MSH3: variants seen among roughly 807,000 people sequenced by gnomAD.
MSH3 encodes DNA mismatch repair protein Msh3.
In MSH3, 106 loss-of-function variants were observed where a neutral mutation model predicts 123.3. That is an observed-to-expected ratio of 0.86 (90% CI 0.73 to 1.01). MSH3 has a LOEUF of 1.01. Ranked by LOEUF, MSH3 falls within the 50% of genes least tolerant of loss-of-function variation. The pLI, the probability that MSH3 is intolerant of heterozygous loss-of-function variation, is 0.00. For synonymous variants in MSH3, 515 were observed against 481.4 expected (o/e 1.07, Z -0.91); for missense variants, 1,459 against 1,347.6 (o/e 1.08, Z -1.29).
At chr5:80,721,314 T>C (rs924714536) in intron 8 of MSH3, among the ~76,000 whole-genome samples, 1 of 152,206 alleles carries the variant, frequency 6.6e-6, no homozygotes, top group Non-Finnish European at 1.5e-5. Context: ...GAGTTTTTCC[T>C]CAGGGTAAGA....
chr5:80,704,094 T>C (rs1476207728), intron 8 of MSH3, among the ~76,000 whole-genome samples: 1 of 152,128 alleles, frequency 6.6e-6, no homozygotes, highest in African/African-American at 2.4e-5. Flanking sequence ...TGTCCTGATC[T>C]CAGTGGGGCT....
chr5:80,737,881 G>T (rs540099618), intron 10 of MSH3, among the ~76,000 whole-genome samples: 17 of 152,144 alleles, frequency 1.1e-4, no homozygotes, highest in African/African-American at 4.1e-4. Flanking sequence ...TTGCCCAGTG[G>T]TTGATCTTTT....
intron 20 of MSH3, among the ~76,000 whole-genome samples, chr5:80,843,530 G>T (rs6453526): frequency 0.7 from 106,327 of 151,306 alleles, 37,340 homozygotes; most frequent in South Asian, 0.8. Flanking sequence ...AATCCGTCTC[G>T]TCCTGGACTT....
intron 22 of MSH3, among the ~76,000 whole-genome samples, chr5:80,865,661 AT>A (rs1030776132): frequency 1.3e-5 from 2 of 151,488 alleles, no homozygotes; most frequent in African/African-American, 4.9e-5. Context: ...AGACTTTAGC[AT>A]TTTTTTTTCT....
intron 17 of MSH3, 84 bp downstream of exon 17, chr5:80,778,920 A>G (rs1580045827): frequency 1.2e-6 from 1 of 804,806 alleles, no homozygotes; most frequent in East Asian, 2.4e-5. Context: ...AAGAAAATAG[A>G]GATTACAGCT....
At chr5:80,768,755 T>G in intron 14 of MSH3, 80 bp from the exon 15 acceptor site, 1 of 1,275,292 alleles carries the variant, frequency 7.8e-7, no homozygotes, top group South Asian at 1.3e-5. Context: ...CTTTCCTCTT[T>G]TATCACACTA....
chr5:80,723,930 T>G (rs1751141137), intron 8 of MSH3, among the ~76,000 whole-genome samples: 1 of 151,958 alleles, frequency 6.6e-6, no homozygotes, highest in Admixed American at 6.6e-5. Context: ...GCCTGGCTAA[T>G]TTTTGTATTT....
intron 12 of MSH3, among the ~76,000 whole-genome samples, chr5:80,752,228 G>A (rs1580018995): frequency 6.6e-6 from 1 of 151,970 alleles, no homozygotes; most frequent in African/African-American, 2.4e-5. Context: ...TAGCCAAGGT[G>A]GAATGGGAGA....
intron 20 of MSH3, among the ~76,000 whole-genome samples, chr5:80,837,987 G>A (rs1745547540): frequency 6.6e-6 from 1 of 152,216 alleles, no homozygotes; most frequent in Admixed American, 6.5e-5. Context: ...CCTAGAGGAT[G>A]CTTGCAGATC....
At chr5:80,850,679 C>G (rs1212255979) in intron 20 of MSH3, among the ~76,000 whole-genome samples, 1 of 152,212 alleles carries the variant, frequency 6.6e-6, no homozygotes, top group African/African-American at 2.4e-5. Context: ...CACCAGGTCC[C>G]TCCCACAACA....
intron 16 of MSH3, 62 bp from the exon 17 acceptor site, chr5:80,778,658 G>C (rs1358347712): frequency 1.1e-6 from 1 of 894,134 alleles, no homozygotes; most frequent in Non-Finnish European, 1.9e-6. Flanking sequence ...TTTCTAAAGT[G>C]ATGGCATTTC....
chr5:80,794,544 T>G (rs957681910), intron 19 of MSH3, among the ~76,000 whole-genome samples: 1 of 152,126 alleles, frequency 6.6e-6, no homozygotes, highest in South Asian at 2.1e-4. Context: ...GGAGTAGTTA[T>G]GTGAGAGAGA....
Position 80,692,553 on chromosome 5 carries a change from G to T in MSH3, c.1340+13460G>T, listed in dbSNP as rs377066306. On this transcript the variant is annotated intron_variant, in intron 8 of 23. Transcript: ENST00000265081. ...ATAAACATGTATATGTTTATATAGA[G>T]AGATAAACATGTATATGTTTATATA... Among the ~76,000 whole-genome samples, 545 of 73,764 alleles carry T rather than the reference G, an allele frequency of 7.4e-3. 15 individuals are homozygous for T. The highest frequency in any genetic ancestry group is 0.071 in the Middle Eastern group (2 of 28). The allele number at this position is 73,764 out of a possible 152,430, so 48.4% of individuals were successfully genotyped here. A position where few individuals can be genotyped will look rare whatever the true frequency, so the allele number is the denominator to read the frequency against.
chr5:80,676,081 A>T (rs927634244), intron 7 of MSH3, among the ~76,000 whole-genome samples: 2 of 152,118 alleles, frequency 1.3e-5, no homozygotes, highest in African/African-American at 4.8e-5. Flanking sequence ...CCCAGGCTGG[A>T]GTGCAATGGC....
chr5:80,844,401 GA>G (rs1745681208), intron 20 of MSH3, among the ~76,000 whole-genome samples: 1 of 152,144 alleles, frequency 6.6e-6, no homozygotes, highest in Non-Finnish European at 1.5e-5. Flanking sequence ...GAGTTCCGTA[GA>G]TGTCTTTTAG....
chr5:80,863,444 G>A (rs1215163276), intron 21 of MSH3, among the ~76,000 whole-genome samples: 1 of 152,174 alleles, frequency 6.6e-6, no homozygotes, highest in African/African-American at 2.4e-5. Flanking sequence ...GCCAAGGTGG[G>A]TGGATCACGA....
intron 8 of MSH3, among the ~76,000 whole-genome samples, chr5:80,718,608 T>A (rs1751012073): frequency 6.6e-6 from 1 of 151,860 alleles, no homozygotes. Context: ...CTGTATTTTC[T>A]GTAAATTGGT....
intron 16 of MSH3, among the ~76,000 whole-genome samples, chr5:80,777,871 G>A (rs1744332326): frequency 6.6e-6 from 1 of 151,894 alleles, no homozygotes; most frequent in Non-Finnish European, 1.5e-5. Flanking sequence ...AGTGGCAACC[G>A]CCACCACCAC....
At chr5:80,792,881 C>A (rs2112026981) in intron 19 of MSH3, 37 bp downstream of exon 19, 1 of 1,325,030 alleles carries the variant, frequency 7.5e-7, no homozygotes, top group Non-Finnish European at 1.1e-6. Context: ...TCGATGATAA[C>A]ATCCCAAACT....
Sources: allele counts gnomAD v4.1 joint callset (sites outside exome capture counted in the v4.1 genomes callset), GRCh38; gene constraint gnomAD v4.1.1; transcripts MANE v1.5; gene names NCBI Gene and HGNC (gene_info 2026-07-23, HGNC 2026-07-21).